XNDC1N: variants seen among roughly 807,000 people sequenced by gnomAD.
XNDC1N encodes XRCC1 N-terminal domain containing 1, N-terminal like, also known as protein XNDC1N.
chr11:71,919,557 T>C, the XNDC1N span, among the ~76,000 whole-genome samples: 1 of 150,898 alleles, frequency 6.6e-6, no homozygotes, highest in East Asian at 1.9e-4. Context: ...CCAGCTAATT[T>C]TTTTGTATTT....
At chr11:71,918,701 C>T in the XNDC1N span, among the ~76,000 whole-genome samples, 1 of 152,116 alleles carries the variant, frequency 6.6e-6, no homozygotes, top group South Asian at 2.1e-4. Context: ...TGAATAGAGC[C>T]CTTGGAGTTC....
the XNDC1N span, among the ~76,000 whole-genome samples, chr11:71,876,974 C>T: frequency 2.0e-5 from 3 of 152,330 alleles, no homozygotes; most frequent in East Asian, 3.9e-4. Context: ...ACCGCTGCCC[C>T]AGCAACTCAG....
At chr11:71,917,200 G>C in the XNDC1N span, 2 of 523,990 alleles carry the variant, frequency 3.8e-6, no homozygotes, top group East Asian at 6.5e-5. Flanking sequence ...TTTTAGTAGA[G>C]ATGGGATTTC....
the XNDC1N span, among the ~76,000 whole-genome samples, chr11:71,890,182 T>C: frequency 5.1e-4 from 77 of 152,218 alleles, no homozygotes; most frequent in African/African-American, 1.8e-3. Flanking sequence ...TGTTATCCTC[T>C]CCCCTCCTCC....
At chr11:71,911,440 C>T in the XNDC1N span, among the ~76,000 whole-genome samples, 1 of 152,158 alleles carries the variant, frequency 6.6e-6, no homozygotes, top group African/African-American at 2.4e-5. Context: ...AGACTGGGAA[C>T]TATATGTGGA....
At chr11:71,889,224 A>T in the XNDC1N span, among the ~76,000 whole-genome samples, 1 of 152,234 alleles carries the variant, frequency 6.6e-6, no homozygotes, top group Non-Finnish European at 1.5e-5. Context: ...GATAGAAAGA[A>T]AAGGGCCTAT....
At chr11:71,884,586 A>G in the XNDC1N span, 4 of 1,577,276 alleles carry the variant, frequency 2.5e-6, no homozygotes, top group Admixed American at 7.1e-5. Context: ...TCTTCTTCAG[A>G]CTCCAGGAGA....
At chr11:71,878,457 G>C in the XNDC1N span, 5 of 1,611,704 alleles carry the variant, frequency 3.1e-6, no homozygotes, top group South Asian at 5.5e-5. Context: ...TCAACCATGA[G>C]GGTCTTGTTT....
At chr11:71,884,567 C>A in the XNDC1N span, 2 of 1,595,502 alleles carry the variant, frequency 1.3e-6, no homozygotes, top group Non-Finnish European at 1.7e-6. Flanking sequence ...GGTGAAAATT[C>A]TAACTCCATC....
At chr11:71,896,588 A>G in the XNDC1N span, among the ~76,000 whole-genome samples, 1 of 152,048 alleles carries the variant, frequency 6.6e-6, no homozygotes, top group African/African-American at 2.4e-5. Flanking sequence ...TTTGAGATGG[A>G]GTTTCACTCT....
chr11:71,905,219 A>C, the XNDC1N span, among the ~76,000 whole-genome samples: 1 of 151,278 alleles, frequency 6.6e-6, no homozygotes, highest in African/African-American at 2.4e-5. Flanking sequence ...AATATTATCA[A>C]AGGGTGTACA....
chr11:71,881,031 G>A, the XNDC1N span, among the ~76,000 whole-genome samples: 5 of 152,142 alleles, frequency 3.3e-5, no homozygotes, highest in African/African-American at 1.2e-4. Flanking sequence ...AAGTCTATTT[G>A]TTCTGTGGTA....
the XNDC1N span, among the ~76,000 whole-genome samples, chr11:71,908,819 T>C: frequency 2.0e-5 from 3 of 152,100 alleles, no homozygotes; most frequent in Admixed American, 6.5e-5. Flanking sequence ...TAGAGGAACA[T>C]GCACCAGCTG....
the XNDC1N span, among the ~76,000 whole-genome samples, chr11:71,885,072 A>C: frequency 6.6e-6 from 1 of 152,180 alleles, no homozygotes; most frequent in Non-Finnish European, 1.5e-5. Context: ...TCTGGAGATT[A>C]TGAACTGTTT....
At chr11:71,873,108 T>G in the XNDC1N span, among the ~76,000 whole-genome samples, 2 of 152,170 alleles carry the variant, frequency 1.3e-5, no homozygotes, top group Non-Finnish European at 2.9e-5. Flanking sequence ...TTTTGTTTCT[T>G]ATTTATGTGT....
the XNDC1N span, chr11:71,918,741 C>T: frequency 1.6e-6 from 1 of 612,998 alleles, no homozygotes; most frequent in South Asian, 1.9e-5. Context: ...AGGGCAAGGG[C>T]CACATTTCCC....
the XNDC1N span, chr11:71,903,445 A>C: frequency 1.0e-6 from 1 of 956,268 alleles, no homozygotes; most frequent in South Asian, 1.3e-5. Flanking sequence ...GTGGACATCC[A>C]GTCTCACAGC....
the XNDC1N span, among the ~76,000 whole-genome samples, chr11:71,919,605 G>GTTTTTTT: frequency 5.0e-3 from 55 of 10,922 alleles, no homozygotes; most frequent in African/African-American, 6.1e-3. Context: ...GGCCAGGTTG[G>GTTTTTTT]TTTTTTTTTT....
At chr11:71,884,489 T>C in the XNDC1N span, 1 of 1,610,730 alleles carries the variant, frequency 6.2e-7, no homozygotes, top group South Asian at 1.1e-5. Context: ...AACATGCAAT[T>C]AGATACTGTG....
Sources: gnomAD v4.1 joint callset for allele counts (sites outside exome capture counted in the v4.1 genomes callset) on GRCh38, gnomAD v4.1.1 for gene constraint, MANE v1.5 for transcripts, NCBI Gene and HGNC (gene_info 2026-07-23, HGNC 2026-07-21) for gene names.